The following TMEM108 variants were observed in gnomAD, a reference collection of about 807,000 sequenced individuals.
TMEM108 encodes cancer/testis antigen 124.
Under a neutral mutation model 35.1 loss-of-function variants are expected in TMEM108, and 12 were observed. The ratio of observed to expected loss-of-function variants is 0.34; its 90% confidence interval spans 0.22 to 0.55. The LOEUF (loss-of-function observed/expected upper bound fraction) is 0.55, where lower values mean the gene tolerates loss of function less well. TMEM108 is among the 20% of genes least tolerant of loss of function. The pLI is 0.89. For missense variants in TMEM108, 680 were observed against 753.3 expected, an observed-to-expected ratio of 0.90 and a Z score of 1.14; for synonymous variants, 287 against 308.6, an observed-to-expected ratio of 0.93 and a Z score of 0.73.
intron 2 of TMEM108, among the ~76,000 whole-genome samples, chr3:133,177,136 T>A (rs1945244649): frequency 6.6e-6 from 1 of 152,218 alleles, no homozygotes; most frequent in Non-Finnish European, 1.5e-5. Flanking sequence ...AATCTCTGAA[T>A]AGACCAATAA....
intron 2 of TMEM108, among the ~76,000 whole-genome samples, chr3:133,173,382 T>C (rs894157555): frequency 6.6e-6 from 1 of 152,248 alleles, no homozygotes; most frequent in Admixed American, 6.5e-5. Flanking sequence ...GTTGTATATC[T>C]ACACAAACCA....
At chr3:133,146,100 G>A (rs1007180454) in intron 2 of TMEM108, among the ~76,000 whole-genome samples, 10 of 152,166 alleles carry the variant, frequency 6.6e-5, no homozygotes, top group African/African-American at 1.9e-4. Flanking sequence ...CTGGCTGTGG[G>A]TTTGTCATAA....
chr3:133,231,267 G>T (rs541585719), intron 3 of TMEM108, among the ~76,000 whole-genome samples: 11 of 152,220 alleles, frequency 7.2e-5, no homozygotes, highest in African/African-American at 2.6e-4. Context: ...AAAAAATCAT[G>T]ATTGAGTATT....
chr3:133,253,686 T>C (rs1266384099), intron 3 of TMEM108, among the ~76,000 whole-genome samples: 2 of 152,228 alleles, frequency 1.3e-5, no homozygotes, highest in Admixed American at 6.5e-5. Context: ...CCCTTTCTGA[T>C]AGGGTTTTTG....
At chr3:133,315,627 T>C (rs2071189665) in intron 3 of TMEM108, among the ~76,000 whole-genome samples, 2 of 152,228 alleles carry the variant, frequency 1.3e-5, no homozygotes, top group African/African-American at 4.8e-5. Flanking sequence ...CAGCAGGAAG[T>C]CTTGCTGATG....
At chr3:133,216,336 A>G (rs909437749) in intron 2 of TMEM108, among the ~76,000 whole-genome samples, 11 of 152,170 alleles carry the variant, frequency 7.2e-5, no homozygotes, top group Non-Finnish European at 1.2e-4. Context: ...TAAGTAAGGT[A>G]TGGTCCAGGT....
At chr3:133,252,413 A>G (rs1307265452) in intron 3 of TMEM108, among the ~76,000 whole-genome samples, 1 of 152,162 alleles carries the variant, frequency 6.6e-6, no homozygotes, top group Non-Finnish European at 1.5e-5. Context: ...AAATTTTAGC[A>G]ATGGAGTAAC....
At chr3:133,176,264 A>C (rs929453448) in intron 2 of TMEM108, among the ~76,000 whole-genome samples, 1 of 151,698 alleles carries the variant, frequency 6.6e-6, no homozygotes, top group African/African-American at 2.4e-5. Flanking sequence ...ACAGATCAAC[A>C]AGACAGAAGG....
chr3:133,055,179 A>G (rs1448414378), intron 2 of TMEM108, among the ~76,000 whole-genome samples: 1 of 152,266 alleles, frequency 6.6e-6, no homozygotes, highest in East Asian at 1.9e-4. Flanking sequence ...TGGTCTTAAC[A>G]TATATCCATG....
intron 3 of TMEM108, among the ~76,000 whole-genome samples, chr3:133,272,676 A>G (rs1576425684): frequency 6.6e-6 from 1 of 152,274 alleles, no homozygotes; most frequent in East Asian, 1.9e-4. Context: ...GTGATGTATG[A>G]GATACTACTG....
intron 3 of TMEM108, among the ~76,000 whole-genome samples, chr3:133,279,308 G>C (rs772290555): frequency 6.6e-6 from 1 of 152,152 alleles, no homozygotes; most frequent in East Asian, 1.9e-4. Flanking sequence ...CCTGCTTTCT[G>C]TCTGGGTCTG....
At chr3:133,387,045 G>T in intron 4 of TMEM108, 1 of 985,684 alleles carries the variant, frequency 1.0e-6, no homozygotes, top group Non-Finnish European at 1.2e-6. Context: ...TGGATGAAAG[G>T]TGAGACCACT....
At chr3:133,162,913 G>A (rs917240413) in intron 2 of TMEM108, among the ~76,000 whole-genome samples, 3 of 152,214 alleles carry the variant, frequency 2.0e-5, no homozygotes, top group Admixed American at 2.0e-4. Flanking sequence ...ATATGAAACA[G>A]TTTGCTGGGT....
intron 3 of TMEM108, among the ~76,000 whole-genome samples, chr3:133,242,852 G>A (rs1439119561): frequency 6.6e-6 from 1 of 152,212 alleles, no homozygotes; most frequent in Non-Finnish European, 1.5e-5. Context: ...CAGGCTCTGT[G>A]CTGGCAGCTT....
chr3:133,317,982 T>C (rs1410410230), intron 3 of TMEM108, among the ~76,000 whole-genome samples: 3 of 152,222 alleles, frequency 2.0e-5, no homozygotes, highest in Admixed American at 6.5e-5. Context: ...GTAGTCTAAT[T>C]TTGGAATAGA....
intron 2 of TMEM108, among the ~76,000 whole-genome samples, chr3:133,166,436 T>A (rs1945038240): frequency 6.6e-6 from 1 of 152,256 alleles, no homozygotes; most frequent in Non-Finnish European, 1.5e-5. Context: ...ACTTCAAGAA[T>A]GAAGCCGTGG....
At chr3:133,107,555 A>G (rs1169685073) in intron 2 of TMEM108, among the ~76,000 whole-genome samples, 2 of 151,888 alleles carry the variant, frequency 1.3e-5, no homozygotes, top group Non-Finnish European at 2.9e-5. Context: ...GTGTAGTGGA[A>G]AAATTCTGAT....
At chr3:133,055,784 C>T (rs1163414812) in intron 2 of TMEM108, among the ~76,000 whole-genome samples, 1 of 152,198 alleles carries the variant, frequency 6.6e-6, no homozygotes, top group Non-Finnish European at 1.5e-5. Context: ...GAGGGCCCAT[C>T]ACAGACAAGG....
chr3:133,286,229 T>C (rs1946983311), intron 3 of TMEM108, among the ~76,000 whole-genome samples: 1 of 152,252 alleles, frequency 6.6e-6, no homozygotes, highest in Admixed American at 6.5e-5. Context: ...GATAAAACTC[T>C]CTTCTTCTGA....
Sources: gnomAD v4.1 joint callset for allele counts (sites outside exome capture counted in the v4.1 genomes callset) on GRCh38, gnomAD v4.1.1 for gene constraint, MANE v1.5 for transcripts, NCBI Gene and HGNC (gene_info 2026-07-23, HGNC 2026-07-21) for gene names.